Variants in DPH6 observed in about 807,000 individuals in gnomAD.
The protein encoded by DPH6 is diphthine--ammonia ligase.
Under a neutral mutation model 38.2 loss-of-function variants are expected in DPH6, and 33 were observed. That is an observed-to-expected ratio of 0.86 (90% CI 0.65 to 1.15). The LOEUF (loss-of-function observed/expected upper bound fraction) is 1.15. Ranked by LOEUF, DPH6 falls within the 50% of genes most tolerant of loss-of-function variation. The pLI, the probability that DPH6 is intolerant of heterozygous loss-of-function variation, is 0.00. For missense variants in DPH6, 325 were observed against 320.0 expected, an observed-to-expected ratio of 1.02 and a Z score of -0.12; for synonymous variants, 108 against 103.0, an observed-to-expected ratio of 1.05 and a Z score of -0.30.
At chr15:35,185,703 A>G in the DPH6 span, among the ~76,000 whole-genome samples, 1 of 151,352 alleles carries the variant, frequency 6.6e-6, no homozygotes, top group African/African-American at 2.4e-5. Flanking sequence ...AAAGTCATAA[A>G]CATCATCTGT....
intron 3 of DPH6, among the ~76,000 whole-genome samples, chr15:35,496,567 A>ATAT (rs1555406398): frequency 9.7e-4 from 30 of 31,014 alleles, no homozygotes; most frequent in East Asian, 6.1e-3. Flanking sequence ...AAAAAAAAAA[A>ATAT]ATATATATAT....
At chr15:35,449,875 A>G (rs11853690) in intron 5 of DPH6, among the ~76,000 whole-genome samples, 96,369 of 151,928 alleles carry the variant, frequency 0.63, 34,775 homozygotes, top group South Asian at 0.84. Flanking sequence ...AACTGAATGT[A>G]TCTGTAAAAT....
chr15:35,533,603 C>A (rs1056241371), intron 3 of DPH6, among the ~76,000 whole-genome samples: 2 of 151,622 alleles, frequency 1.3e-5, no homozygotes, highest in Admixed American at 6.6e-5. Flanking sequence ...ATCTAGTTAT[C>A]TTGAATCTAG....
chr15:35,284,453 T>A (rs1401085603), intron 3 of DPH6, among the ~76,000 whole-genome samples: 1 of 151,834 alleles, frequency 6.6e-6, no homozygotes, highest in Non-Finnish European at 1.5e-5. Context: ...ATTGCAAAAA[T>A]TTTCTGGACA....
chr15:35,284,929 CA>C (rs2051930438), intron 3 of DPH6, among the ~76,000 whole-genome samples: 1 of 150,502 alleles, frequency 6.6e-6, no homozygotes. Context: ...CCTCCTGCCT[CA>C]GCCTTCCAAG....
chr15:35,358,998 T>C (rs1477113528), intron 3 of DPH6, among the ~76,000 whole-genome samples: 1 of 151,990 alleles, frequency 6.6e-6, no homozygotes. Context: ...GGAAGGACCA[T>C]TAGGTGAGGG....
At chr15:35,178,420 T>C in the DPH6 span, among the ~76,000 whole-genome samples, 1 of 152,138 alleles carries the variant, frequency 6.6e-6, no homozygotes, top group Admixed American at 6.6e-5. Context: ...AGAGGGCATG[T>C]TCAGAGGAAC....
chr15:35,433,642 C>A (rs2053659318), intron 5 of DPH6, among the ~76,000 whole-genome samples: 1 of 152,190 alleles, frequency 6.6e-6, no homozygotes, highest in East Asian at 1.9e-4. Flanking sequence ...CTATAAAACT[C>A]TATTTCCATA....
the DPH6 span, among the ~76,000 whole-genome samples, chr15:35,185,562 C>T: frequency 6.6e-6 from 1 of 152,026 alleles, no homozygotes; most frequent in South Asian, 2.1e-4. Context: ...AGGCTGATTA[C>T]TGTCTGGAAG....
rs142959639 is a variant in DPH6 at position 35,474,719 on chromosome 15, A to G, written c.313-19899T>C. On this transcript the variant is annotated intron_variant, in intron 3 of 8. Coordinates refer to ENST00000256538, the MANE Select transcript of DPH6 (RefSeq NM_080650.4). Reference sequence around the variant, plus strand: ...AATGTTTATTAGTCATCAATAAGTCAGCATTACTTAGTAAGTATCAGCCCC... The same window carrying G: ...AATGTTTATTAGTCATCAATAAGTCGGCATTACTTAGTAAGTATCAGCCCC... Among the ~76,000 whole-genome samples the G allele has an allele frequency of 2.1e-3, 319 of 152,290 alleles. 5 individuals carry two copies. Among genetic ancestry groups the G allele is most frequent in the African/African-American group, 7.4e-3 (307 of 41,584 alleles).
intron 5 of DPH6, among the ~76,000 whole-genome samples, chr15:35,415,647 C>A (rs2053426585): frequency 6.6e-6 from 1 of 151,982 alleles, no homozygotes; most frequent in African/African-American, 2.4e-5. Flanking sequence ...ACACTTTCCA[C>A]ATGAACCTGT....
intron 7 of DPH6, 112 bp from the exon 8 acceptor site, chr15:35,373,720 G>A: frequency 5.6e-6 from 4 of 709,250 alleles, no homozygotes; most frequent in South Asian, 2.4e-5. Flanking sequence ...TATCTCCATT[G>A]GTATACAACA....
At chr15:35,377,357 T>C (rs929792848) in intron 7 of DPH6, among the ~76,000 whole-genome samples, 3 of 152,078 alleles carry the variant, frequency 2.0e-5, no homozygotes, top group Non-Finnish European at 2.9e-5. Context: ...CCATCATCTA[T>C]CCATCCCATA....
chr15:35,450,536 G>T, intron 5 of DPH6, 149 bp downstream of exon 5: 2 of 644,130 alleles, frequency 3.1e-6, no homozygotes, highest in Non-Finnish European at 2.6e-6. Context: ...TTTTCTTTAT[G>T]CAAGGAAGGT....
chr15:35,194,114 C>T, the DPH6 span, among the ~76,000 whole-genome samples: 2 of 152,102 alleles, frequency 1.3e-5, no homozygotes, highest in African/African-American at 2.4e-5. Flanking sequence ...TACTCATTTA[C>T]TTGTTAACAG....
At chr15:35,238,146 C>G in intron 3 of DPH6, 1 of 911,480 alleles carries the variant, frequency 1.1e-6, no homozygotes, top group Admixed American at 2.2e-5. Context: ...ATCCTGCCCC[C>G]TGAAACTTAT....
chr15:35,161,891 C>G, the DPH6 span, among the ~76,000 whole-genome samples: 3 of 151,852 alleles, frequency 2.0e-5, no homozygotes, highest in Non-Finnish European at 2.9e-5. Flanking sequence ...TATAGCAGCC[C>G]AAACTGACTA....
the DPH6 span, among the ~76,000 whole-genome samples, chr15:35,188,235 A>C: frequency 6.6e-6 from 1 of 152,208 alleles, no homozygotes; most frequent in Non-Finnish European, 1.5e-5. Context: ...GAGTTGGCTG[A>C]GTGGGCTCAC....
intron 3 of DPH6, among the ~76,000 whole-genome samples, chr15:35,515,324 C>T (rs977141027): frequency 3.9e-5 from 6 of 151,910 alleles, no homozygotes; most frequent in South Asian, 2.1e-4. Context: ...CTGGGTATGG[C>T]GGGTCATACC....
Sources: allele counts gnomAD v4.1 joint callset (sites outside exome capture counted in the v4.1 genomes callset), GRCh38; gene constraint gnomAD v4.1.1; transcripts MANE v1.5; gene names NCBI Gene and HGNC (gene_info 2026-07-23, HGNC 2026-07-21).